GOLGA4: variants seen among roughly 807,000 people sequenced by gnomAD.
GOLGA4 encodes golgin subfamily A member 4.
In GOLGA4, 169 loss-of-function variants were observed where a neutral mutation model predicts 265.9. The observed-to-expected ratio is 0.64, with a 90% CI of 0.56 to 0.72. The LOEUF is 0.72. Among genes scored for constraint, GOLGA4 ranks in the 30% least tolerant of loss-of-function variants. The pLI is 0.00. For missense variants in GOLGA4, 2,482 were observed against 2,483.4 expected, an observed-to-expected ratio of 1.00 and a Z score of 0.01; for synonymous variants, 923 against 855.8, an observed-to-expected ratio of 1.08 and a Z score of -1.37.
At chr3:37,348,379 T>C (rs1357749614) in intron 21 of GOLGA4, among the ~76,000 whole-genome samples, 3 of 152,160 alleles carry the variant, frequency 2.0e-5, no homozygotes, top group Non-Finnish European at 4.4e-5. Flanking sequence ...AGAAGGGAGA[T>C]ATTAAATCAC....
At chr3:37,273,539 G>A (rs942390466) in intron 2 of GOLGA4, 5 of 1,484,786 alleles carry the variant, frequency 3.4e-6, no homozygotes, top group South Asian at 2.4e-5. Context: ...TTCTTAGAAT[G>A]CATCTACTCA....
At chr3:37,285,148 A>G (rs947181366) in intron 3 of GOLGA4, among the ~76,000 whole-genome samples, 3 of 143,180 alleles carry the variant, frequency 2.1e-5, no homozygotes, top group Non-Finnish European at 4.5e-5. Context: ...CCTTCAGATG[A>G]GTAACTTTTT....
chr3:37,336,561 G>C (rs1408481239), intron 17 of GOLGA4, among the ~76,000 whole-genome samples: 2 of 150,204 alleles, frequency 1.3e-5, no homozygotes, highest in African/African-American at 4.9e-5. Flanking sequence ...GGGAGTTCGA[G>C]ACCAGCCTGA....
chr3:37,309,393 A>G (rs2096916749), intron 10 of GOLGA4, among the ~76,000 whole-genome samples: 1 of 152,134 alleles, frequency 6.6e-6, no homozygotes, highest in Non-Finnish European at 1.5e-5. Flanking sequence ...CGTCTCTACT[A>G]AAAATACAAA....
chr3:37,259,112 T>C (rs1303226348), intron 2 of GOLGA4, among the ~76,000 whole-genome samples: 1 of 152,200 alleles, frequency 6.6e-6, no homozygotes. Context: ...CTGGGCTTTT[T>C]TTTGAGGGAA....
At chr3:37,298,133 C>A (rs1578567262) in intron 7 of GOLGA4, among the ~76,000 whole-genome samples, 1 of 152,258 alleles carries the variant, frequency 6.6e-6, no homozygotes, top group East Asian at 1.9e-4. Context: ...ACTGCCTAGA[C>A]AGAGCTGATT....
At chr3:37,275,626 C>T in intron 2 of GOLGA4, 1 of 1,580,322 alleles carries the variant, frequency 6.3e-7, no homozygotes, top group Non-Finnish European at 8.7e-7. Flanking sequence ...CCTGCTGTGT[C>T]TTCCGCTCCA....
chr3:37,299,918 G>C (rs2096888435), intron 9 of GOLGA4, among the ~76,000 whole-genome samples: 1 of 151,836 alleles, frequency 6.6e-6, no homozygotes, highest in African/African-American at 2.4e-5. Context: ...GGGTATGTTG[G>C]TATATGCCTG....
chr3:37,297,503 A>T (rs2096881634), intron 7 of GOLGA4, among the ~76,000 whole-genome samples: 3 of 152,244 alleles, frequency 2.0e-5, no homozygotes, highest in Admixed American at 6.5e-5. Flanking sequence ...TTTGAATAAC[A>T]AAAGATGATT....
chr3:37,275,719 C>T, intron 2 of GOLGA4: 1 of 1,612,368 alleles, frequency 6.2e-7, no homozygotes, highest in East Asian at 2.2e-5. Flanking sequence ...TCCGCTTTGC[C>T]AAGAAGATGG....
chr3:37,271,618 C>T (rs375344963), intron 2 of GOLGA4, among the ~76,000 whole-genome samples: 1 of 152,208 alleles, frequency 6.6e-6, no homozygotes, highest in East Asian at 1.9e-4. Context: ...GACCGTACCA[C>T]TACCATTTTG....
intron 17 of GOLGA4, 34 bp from the exon 18 acceptor site, chr3:37,337,109 T>C: frequency 7.8e-7 from 1 of 1,277,524 alleles, no homozygotes; most frequent in Non-Finnish European, 1.1e-6. Flanking sequence ...GCTATTATTG[T>C]ATACACTCAT....
At chr3:37,248,415 C>T (rs2096725264) in intron 1 of GOLGA4, among the ~76,000 whole-genome samples, 1 of 152,194 alleles carries the variant, frequency 6.6e-6, no homozygotes. Context: ...ACTCAGATTT[C>T]TTATGGCTAT....
intron 2 of GOLGA4, among the ~76,000 whole-genome samples, chr3:37,254,810 A>G (rs1364915988): frequency 6.7e-6 from 1 of 148,918 alleles, no homozygotes; most frequent in Non-Finnish European, 1.5e-5. Context: ...CCGTATTTTT[A>G]CAATTTTTAA....
chr3:37,308,697 C>T (rs984817665), intron 10 of GOLGA4, among the ~76,000 whole-genome samples: 15 of 151,414 alleles, frequency 9.9e-5, no homozygotes, highest in Non-Finnish European at 2.1e-4. Flanking sequence ...CTCACTGCAA[C>T]GTCCGCCTCC....
Position 37,325,706 on chromosome 3 carries a change from T to G in GOLGA4, c.3820T>G (p.Leu1274Val). 6.2e-7 allele frequency: 1 copy of G among 1,613,706 alleles called. No homozygotes were observed. Among genetic ancestry groups the G allele is most frequent in the Non-Finnish European group, 8.5e-7 (1 of 1,179,618 alleles). The change falls in exon 14 of 24, where the codon TTA (leucine) becomes GTA (valine). Residue 1274 changes from leucine (L) to valine (V), a missense_variant. By Grantham distance (32) the Leu-to-Val change is conservative. Transcript: ENST00000361924. ...AATTAAAACTTGCACAGTTTCTGAA[T>G]TAGAAGCACAACTTAGACAGTTGAC... ...LLIKTCTVSE[L>V]EAQLRQLTEE...
At chr3:37,342,970 GCT>G (rs1436914858) in intron 20 of GOLGA4, among the ~76,000 whole-genome samples, 1 of 152,206 alleles carries the variant, frequency 6.6e-6, no homozygotes, top group African/African-American at 2.4e-5. Context: ...CATGATCTCA[GCT>G]CTCTGCAACC....
rs1247146833 is a variant in GOLGA4 at position 37,315,404 on chromosome 3, G to C, written c.1235-16G>C. The C allele has an allele frequency of 6.9e-6, 11 of 1,598,236 alleles. No individual in the cohort carries two copies. The highest frequency in any genetic ancestry group is 9.4e-6 in the Non-Finnish European group (11 of 1,172,912). The stretch of plus-strand genomic sequence containing the variant: ...ATATTTCTTGAGATACTTGTTTTCT[G>C]TTGTTTTCATTATAGCTTTTGAGGA... On this transcript the variant is annotated splice_polypyrimidine_tract_variant and intron_variant, in intron 10 of 23. Coordinates refer to ENST00000361924, the MANE Select transcript of GOLGA4 (RefSeq NM_002078.5).
At chr3:37,357,688 A>T (rs1159438057) in intron 22 of GOLGA4, among the ~76,000 whole-genome samples, 1 of 152,220 alleles carries the variant, frequency 6.6e-6, no homozygotes, top group South Asian at 2.1e-4. Context: ...GATTTCCATC[A>T]TTCATAAAAT....
Sources: allele counts gnomAD v4.1 joint callset (sites outside exome capture counted in the v4.1 genomes callset), GRCh38; gene constraint gnomAD v4.1.1; transcripts MANE v1.5; gene names NCBI Gene and HGNC (gene_info 2026-07-23, HGNC 2026-07-21).